The following UNC5D variants were observed in gnomAD, a reference collection of about 807,000 sequenced individuals.
UNC5D encodes unc-5 netrin receptor D.
Under a neutral mutation model 105.4 loss-of-function variants are expected in UNC5D, and 39 were observed. The observed-to-expected ratio is 0.37, with a 90% CI of 0.29 to 0.48. UNC5D has a LOEUF of 0.48. Ranked by LOEUF, UNC5D falls within the 20% of genes least tolerant of loss-of-function variation. The pLI is 0.98. For synonymous variants in UNC5D, 452 were observed against 450.4 expected (o/e 1.00, Z -0.04); for missense variants, 991 against 1,202.4 (o/e 0.82, Z 2.60).
chr8:35,792,968 A>T lies in UNC5D; in HGVS notation c.*2405A>T, dbSNP rs1554609985. The T allele has an allele frequency of 6.7e-6, 3 of 449,716 alleles. No homozygotes were observed. The highest frequency in any genetic ancestry group is 2.4e-5 in the Admixed American group (1 of 41,582). The allele number at this position is 449,716 out of a possible 1,614,324, so 27.9% of individuals were successfully genotyped here. On this transcript the variant is annotated 3_prime_UTR_variant, in exon 17 of 17. Coordinates refer to ENST00000404895, the MANE Select transcript of UNC5D (RefSeq NM_080872.4). ...GAATGTCTGGAGTTACCTCCCATGG[A>T]TTTTTTTTTCCTTTGGCCTGGGTTT...
chr8:35,725,871 G>A (rs1266097158), intron 9 of UNC5D, among the ~76,000 whole-genome samples: 1 of 152,176 alleles, frequency 6.6e-6, no homozygotes, highest in Non-Finnish European at 1.5e-5. Context: ...GCCAGAGAGA[G>A]TGCCAGAAAT....
Position 35,549,602 on chromosome 8 carries a change from T to C in UNC5D, c.322+92T>C, listed in dbSNP as rs115687245. The C allele has an allele frequency of 8.5e-4, 1,038 of 1,219,862 alleles. 12 individuals are homozygous for C. In the African/African-American group the frequency reaches 0.014, roughly 16 times the overall value. The allele number at this position is 1,219,862 out of a possible 1,614,324, so 75.6% of individuals were successfully genotyped here. A position where few individuals can be genotyped will look rare whatever the true frequency, so the allele number is the denominator to read the frequency against. ...GGGAAAGACTGGAAATCACCCCCCA[T>C]TGCCTTGTGTGAATGAGGTCATAGT... is the stretch of plus-strand genomic sequence containing the variant. On this transcript the variant is annotated intron_variant, in intron 2 of 16. Transcript: ENST00000404895.
At chr8:35,486,218 GC>G (rs1229594793) in intron 1 of UNC5D, among the ~76,000 whole-genome samples, 2 of 152,118 alleles carry the variant, frequency 1.3e-5, no homozygotes, top group Non-Finnish European at 2.9e-5. Context: ...ATTTTGGGGG[GC>G]TTTGTGAGGA....
intron 8 of UNC5D, among the ~76,000 whole-genome samples, chr8:35,714,065 G>T (rs182339643): frequency 1.3e-5 from 2 of 152,314 alleles, no homozygotes; most frequent in Admixed American, 6.5e-5. Context: ...AAGACTGGGG[G>T]TGTGGGTGGA....
chr8:35,670,930 T>A (rs967805996), intron 4 of UNC5D, among the ~76,000 whole-genome samples: 3 of 152,168 alleles, frequency 2.0e-5, no homozygotes, highest in African/African-American at 7.2e-5. Flanking sequence ...TGTTCAGTTA[T>A]TTTTAGATGA....
intron 1 of UNC5D, among the ~76,000 whole-genome samples, chr8:35,272,287 T>G (rs1805462561): frequency 6.6e-6 from 1 of 152,150 alleles, no homozygotes; most frequent in Admixed American, 6.5e-5. Flanking sequence ...GAATTTTCCG[T>G]TTTAAATGAC....
chr8:35,525,456 T>C (rs535913755), intron 1 of UNC5D: 5 of 1,612,256 alleles, frequency 3.1e-6, no homozygotes, highest in South Asian at 1.1e-5. Context: ...ACTGATTGCA[T>C]AGGCCTGGCT....
intron 1 of UNC5D, among the ~76,000 whole-genome samples, chr8:35,401,627 T>A (rs1486366478): frequency 6.6e-6 from 1 of 152,136 alleles, no homozygotes; most frequent in East Asian, 1.9e-4. Flanking sequence ...GAGGAAAGGG[T>A]ACACTGCTTG....
At chr8:35,362,816 C>T (rs910693226) in intron 1 of UNC5D, among the ~76,000 whole-genome samples, 1 of 152,032 alleles carries the variant, frequency 6.6e-6, no homozygotes, top group Admixed American at 6.6e-5. Context: ...TTCATCTCAT[C>T]TCTCATTTCT....
intron 4 of UNC5D, among the ~76,000 whole-genome samples, chr8:35,654,887 G>C (rs1222363450): frequency 1.3e-5 from 2 of 152,122 alleles, no homozygotes; most frequent in Non-Finnish European, 2.9e-5. Context: ...GGTTTTCTCA[G>C]ATCGAAAGCA....
chr8:35,388,679 T>C (rs1803588033), intron 1 of UNC5D, among the ~76,000 whole-genome samples: 2 of 152,208 alleles, frequency 1.3e-5, no homozygotes, highest in African/African-American at 4.8e-5. Flanking sequence ...AATTCAAACA[T>C]AACTTCTGTG....
chr8:35,520,361 T>G (rs1813378915), intron 1 of UNC5D, among the ~76,000 whole-genome samples: 1 of 151,944 alleles, frequency 6.6e-6, no homozygotes, highest in African/African-American at 2.4e-5. Flanking sequence ...GGTAGGCAAA[T>G]CCATAGAGAC....
At chr8:35,692,332 G>T (rs755456411) in intron 7 of UNC5D, among the ~76,000 whole-genome samples, 1 of 152,118 alleles carries the variant, frequency 6.6e-6, no homozygotes, top group Non-Finnish European at 1.5e-5. Context: ...CACAGGAAAG[G>T]CATGTTTGCT....
chr8:35,636,293 A>G (rs540251008), intron 4 of UNC5D, among the ~76,000 whole-genome samples: 97 of 152,326 alleles, frequency 6.4e-4, no homozygotes, highest in African/African-American at 2.1e-3. Context: ...GAGATGGTCA[A>G]TGGCCTAAAA....
chr8:35,341,619 G>A (rs1250223792), intron 1 of UNC5D, among the ~76,000 whole-genome samples: 1 of 152,040 alleles, frequency 6.6e-6, no homozygotes, highest in Admixed American at 6.6e-5. Context: ...GTACTTAGAA[G>A]AAAGTGGAGA....
chr8:35,518,389 G>C (rs1490234416), intron 1 of UNC5D, among the ~76,000 whole-genome samples: 2 of 151,910 alleles, frequency 1.3e-5, no homozygotes, highest in Non-Finnish European at 2.9e-5. Flanking sequence ...ATTGCTTTAT[G>C]ACTATGATTT....
intron 4 of UNC5D, among the ~76,000 whole-genome samples, chr8:35,664,766 A>G (rs1824322200): frequency 6.6e-6 from 1 of 152,172 alleles, no homozygotes; most frequent in South Asian, 2.1e-4. Context: ...GGACCCATTA[A>G]TCAAGTTGCC....
intron 1 of UNC5D, among the ~76,000 whole-genome samples, chr8:35,445,858 CA>C (rs1203476746): frequency 6.6e-6 from 1 of 151,856 alleles, no homozygotes; most frequent in Non-Finnish European, 1.5e-5. Context: ...TATGAGTGAT[CA>C]AAAGTTACTT....
At chr8:35,785,578 C>G (rs951502843) in intron 16 of UNC5D, among the ~76,000 whole-genome samples, 7 of 152,146 alleles carry the variant, frequency 4.6e-5, no homozygotes, top group Non-Finnish European at 5.9e-5. Flanking sequence ...CCAGGCTGGT[C>G]TCAGACTCCT....
Sources: gnomAD v4.1 joint callset for allele counts (sites outside exome capture counted in the v4.1 genomes callset) on GRCh38, gnomAD v4.1.1 for gene constraint, MANE v1.5 for transcripts, NCBI Gene and HGNC (gene_info 2026-07-23, HGNC 2026-07-21) for gene names.